KATNIP: variants seen among roughly 807,000 people sequenced by gnomAD.
KATNIP encodes katanin-interacting protein.
In KATNIP, 126 loss-of-function variants were observed where a neutral mutation model predicts 174.0. The ratio of observed to expected loss-of-function variants is 0.72; its 90% confidence interval spans 0.63 to 0.84. KATNIP has a LOEUF of 0.84. KATNIP is among the 40% of genes least tolerant of loss of function. The pLI, the probability that KATNIP is intolerant of heterozygous loss-of-function variation, is 0.00. For missense variants in KATNIP, 1,958 were observed against 2,109.7 expected, an observed-to-expected ratio of 0.93 and a Z score of 1.41; for synonymous variants, 810 against 835.7, an observed-to-expected ratio of 0.97 and a Z score of 0.53.
chr16:27,618,412 T>G lies in KATNIP; in HGVS notation c.64-13T>G, dbSNP rs770348146. On this transcript the variant is annotated splice_polypyrimidine_tract_variant and intron_variant, in intron 2 of 27. Transcript: ENST00000261588. ...GCATTCCGATATCACACTGCTCTGT[T>G]TCTTCATTTCAGGGTTACGCTAAGG... is the stretch of plus-strand genomic sequence containing the variant. The G allele has an allele frequency of 6.2e-7, 1 of 1,602,224 alleles. No individual in the cohort carries two copies. Among genetic ancestry groups the G allele is most frequent in the Non-Finnish European group, 8.6e-7 (1 of 1,169,292 alleles).
At chr16:27,666,286 TAAG>T (rs940108396) in intron 6 of KATNIP, among the ~76,000 whole-genome samples, 4 of 152,232 alleles carry the variant, frequency 2.6e-5, no homozygotes, top group African/African-American at 9.6e-5. Context: ...TTCATGGCAG[TAAG>T]AAGGTGTCAG....
intron 19 of KATNIP, 101 bp from the exon 20 acceptor site, chr16:27,766,208 G>A (rs2082117350): frequency 1.6e-6 from 2 of 1,258,880 alleles, no homozygotes; most frequent in Admixed American, 1.9e-5. Context: ...CTAGTGCCAG[G>A]CAGTGGGGAC....
At chr16:27,673,131 GT>G (rs1444373310) in intron 6 of KATNIP, among the ~76,000 whole-genome samples, 1 of 152,184 alleles carries the variant, frequency 6.6e-6, no homozygotes, top group Non-Finnish European at 1.5e-5. Flanking sequence ...AGAATTGGGA[GT>G]TGGGCCAAGC....
At chr16:27,639,986 A>T (rs1489451262) in intron 5 of KATNIP, among the ~76,000 whole-genome samples, 3 of 152,206 alleles carry the variant, frequency 2.0e-5, no homozygotes, top group African/African-American at 7.2e-5. Flanking sequence ...CACAACCCAC[A>T]CAACCATATG....
intron 2 of KATNIP, among the ~76,000 whole-genome samples, chr16:27,598,446 C>T (rs1277531080): frequency 2.6e-5 from 4 of 152,146 alleles, no homozygotes. Context: ...TGCGGCCACA[C>T]CCCATGTGGC....
chr16:27,681,399 G>T lies in KATNIP; in HGVS notation c.809G>T (p.Ser270Ile), dbSNP rs766244447. Residue 270 changes from serine (S) to isoleucine (I), a missense_variant and splice_region_variant, in exon 8 of 28, where the codon AGT (serine) becomes ATT (isoleucine). By Grantham distance (142) the Ser-to-Ile change is moderately radical (BLOSUM62 -2). This residue lies in a region of KATNIP where 1,557 missense variants were observed against 1,617.8 expected (regional missense o/e 0.96). Transcript: ENST00000261588. ...VVLEFNPASK[S>I]HKRERNLSAK... ...ACATGAAACAATTGTTTTCCTACAG[G>T]TCATAAAAGGGAAAGGAATTTGTCT... 1 of 1,614,146 alleles carries T rather than the reference G, an allele frequency of 6.2e-7. No homozygotes were observed. The highest frequency in any genetic ancestry group is 2.2e-5 in the East Asian group (1 of 44,876).
At chr16:27,577,199 A>C (rs966244606) in intron 2 of KATNIP, among the ~76,000 whole-genome samples, 1 of 152,234 alleles carries the variant, frequency 6.6e-6, no homozygotes, top group Admixed American at 6.5e-5. Context: ...GGTTAAATCC[A>C]CATTTAAACA....
chr16:27,723,468 C>G (rs2080319487), intron 14 of KATNIP, among the ~76,000 whole-genome samples: 1 of 151,860 alleles, frequency 6.6e-6, no homozygotes, highest in Non-Finnish European at 1.5e-5. Flanking sequence ...GGAAGCCAAC[C>G]CTGCCCCCTG....
intron 8 of KATNIP, among the ~76,000 whole-genome samples, chr16:27,688,059 TC>T (rs1157125403): frequency 6.6e-6 from 1 of 152,196 alleles, no homozygotes; most frequent in African/African-American, 2.4e-5. Flanking sequence ...GGAAGCTGTT[TC>T]ATCACTTAGC....
chr16:27,623,547 A>T (rs1411695869), intron 3 of KATNIP, among the ~76,000 whole-genome samples: 2 of 150,114 alleles, frequency 1.3e-5, no homozygotes, highest in Non-Finnish European at 3.0e-5. Context: ...GCACTCTCCA[A>T]CCCCTGGACT....
chr16:27,718,777 T>A (rs1160468686), intron 13 of KATNIP: 1 of 135,488 alleles, frequency 7.4e-6, no homozygotes, highest in East Asian at 2.1e-4. Context: ...GAAGTTCTTG[T>A]AGAGCTGGAG....
At chr16:27,656,576 T>C (rs2077294710) in intron 6 of KATNIP, among the ~76,000 whole-genome samples, 1 of 151,472 alleles carries the variant, frequency 6.6e-6, no homozygotes, top group Non-Finnish European at 1.5e-5. Flanking sequence ...TAAGAAAATG[T>C]GGCACATATA....
At chr16:27,584,365 GGTTAGGAAGGGAT>G (rs1352055139) in intron 2 of KATNIP, among the ~76,000 whole-genome samples, 1 of 152,054 alleles carries the variant, frequency 6.6e-6, no homozygotes, top group African/African-American at 2.4e-5. Flanking sequence ...TAAAGCACAT[GGTTAGGAAGGGAT>G]ATTTTCCAAA....
At chr16:27,755,248 C>G (rs1416369987) in intron 18 of KATNIP, 1 of 152,350 alleles carries the variant, frequency 6.6e-6, no homozygotes, top group Non-Finnish European at 1.5e-5. Context: ...TCAGCCCTTC[C>G]GGGACCTCCC....
At chr16:27,693,898 G>T (rs765783707) in intron 8 of KATNIP, among the ~76,000 whole-genome samples, 1 of 152,152 alleles carries the variant, frequency 6.6e-6, no homozygotes, top group Non-Finnish European at 1.5e-5. Flanking sequence ...ATTTCAGATG[G>T]TAGCTTTTCT....
Position 27,550,174 on chromosome 16 carries a change from G to T in KATNIP, c.4G>T (p.Asp2Tyr). The T allele has an allele frequency of 6.2e-7, 1 of 1,612,090 alleles. No homozygotes were observed. The highest frequency in any genetic ancestry group is 8.5e-7 in the Non-Finnish European group (1 of 1,178,556). ...CCCGGAACCGCCGCCTCTAGGGATG[G>T]ACGGTGAGTGTCTGTGGGCCCCTCC... MDGQTLRKAERS... is the reference protein window; with the variant it reads MYGQTLRKAERS... Residue 2 changes from aspartate to tyrosine, a missense_variant, in exon 1 of 28, where the codon GAC (aspartate) becomes TAC (tyrosine). Transcript: ENST00000261588.
intron 6 of KATNIP, among the ~76,000 whole-genome samples, chr16:27,660,474 G>A (rs1454709495): frequency 1.3e-5 from 2 of 152,038 alleles, no homozygotes; most frequent in East Asian, 1.9e-4. Flanking sequence ...ACTTGAACCC[G>A]GGAGGTGGAG....
chr16:27,681,562 G>A (rs1245200011), intron 8 of KATNIP, 32 bp downstream of exon 8: 1 of 1,613,394 alleles, frequency 6.2e-7, no homozygotes, highest in Admixed American at 1.7e-5. Context: ...GAGCAGGGGA[G>A]CAGGGCTGCG....
chr16:27,654,109 G>A (rs1181471930), intron 6 of KATNIP, among the ~76,000 whole-genome samples: 1 of 152,134 alleles, frequency 6.6e-6, no homozygotes, highest in Non-Finnish European at 1.5e-5. Flanking sequence ...TCATGTAGCT[G>A]GGACTACAGG....
Sources: allele counts gnomAD v4.1 joint callset (sites outside exome capture counted in the v4.1 genomes callset), GRCh38; gene constraint gnomAD v4.1.1; regional missense constraint gnomAD v4.1.1; transcripts MANE v1.5; gene names NCBI Gene and HGNC (gene_info 2026-07-23, HGNC 2026-07-21).